The following SLFN12L variants were observed in gnomAD, a reference collection of about 807,000 sequenced individuals.
SLFN12L encodes the protein schlafen family member 12-like.
A neutral mutation model predicts 34.8 loss-of-function variants in SLFN12L; 34 were observed. The ratio of observed to expected loss-of-function variants is 0.98; its 90% confidence interval spans 0.74 to 1.30. The LOEUF (loss-of-function observed/expected upper bound fraction) is 1.30. SLFN12L is among the 50% of genes most tolerant of loss of function. SLFN12L has a pLI of 0.00. For synonymous variants in SLFN12L, 259 were observed against 247.5 expected (o/e 1.05, Z -0.44); for missense variants, 703 against 696.2 (o/e 1.01, Z -0.11).
rs538337365 is a variant in SLFN12L at position 35,493,235 on chromosome 17, C to T, written c.87-13040G>A. Among the ~76,000 whole-genome samples the T allele has an allele frequency of 2.6e-5, 4 of 152,302 alleles. No homozygotes were observed. The South Asian group carries it at 8.3e-4, about 32-fold the overall frequency. On this transcript the variant is annotated intron_variant, in intron 2 of 4. Coordinates refer to ENST00000628453, the MANE Select transcript of SLFN12L (RefSeq NM_001363830.2). ...AATGTCAGTGTGGTCCTAGAGGAAG[C>T]ATTGGGGTGGGGGAGGGAGAGGGAG...
chr17:35,479,828 A>G lies in SLFN12L; in HGVS notation c.454T>C (p.Trp152Arg), dbSNP rs1399575404. The G allele has an allele frequency of 6.2e-7, 1 of 1,608,688 alleles. No individual in the cohort carries two copies. Among genetic ancestry groups the G allele is most frequent in the Non-Finnish European group, 8.5e-7 (1 of 1,176,964 alleles). ...TGCGGACCAGAGGTTTCCAAGCTCC[A>G]TGATTTCACAAAAATGTGAAAGTAG... ...GNYFHIFVKS[W>R]SLETSGPQIA... Residue 152 changes from tryptophan (W) to arginine (R), a missense_variant, in exon 3 of 5, where the codon TGG becomes CGG. Coordinates refer to ENST00000628453, the MANE Select transcript of SLFN12L (RefSeq NM_001363830.2).
At chr17:35,495,577 T>C (rs972683551) in intron 2 of SLFN12L, among the ~76,000 whole-genome samples, 15 of 152,174 alleles carry the variant, frequency 9.9e-5, no homozygotes, top group Middle Eastern at 3.4e-3. Context: ...GACCTGAGAC[T>C]CCTGCTGCAG....
intron 2 of SLFN12L, among the ~76,000 whole-genome samples, chr17:35,491,980 A>G (rs148492882): frequency 1.4e-4 from 21 of 152,198 alleles, no homozygotes; most frequent in Non-Finnish European, 2.4e-4. Context: ...CCTGTCCCCA[A>G]TGTGTTTGTG....
chr17:35,479,358 A>G lies in SLFN12L; in HGVS notation c.924T>C (p.Asn308=), dbSNP rs937447736. The change falls in exon 3 of 5, where the codon AAT becomes AAC. Residue 308 remains asparagine, a synonymous_variant. Transcript: ENST00000628453. ...YLTKLEEVTK[N]SIGKLPVHHF... is the part of the protein sequence containing the mutation. ...GATGCACAGGCAGTTTCCCAATGGA[A>G]TTTTTTGTTACTTCTTCTAACTTAG... 7 of 1,594,750 alleles carry G rather than the reference A, an allele frequency of 4.4e-6. No individual in the cohort carries two copies. Among genetic ancestry groups the G allele is most frequent in the Non-Finnish European group, 6.0e-6 (7 of 1,169,100 alleles).
chr17:35,482,641 A>C (rs146137697), intron 2 of SLFN12L, among the ~76,000 whole-genome samples: 4 of 152,274 alleles, frequency 2.6e-5, no homozygotes, highest in Non-Finnish European at 5.9e-5. Flanking sequence ...GCAGGCTCAG[A>C]AGTGCCTGCT....
intron 4 of SLFN12L, among the ~76,000 whole-genome samples, chr17:35,476,157 G>A (rs895222575): frequency 5.3e-5 from 8 of 152,034 alleles, no homozygotes; most frequent in Non-Finnish European, 8.8e-5. Context: ...AAAGAAAACA[G>A]AGGTCAGACT....
At chr17:35,488,167 C>A (rs1239473377) in intron 2 of SLFN12L, among the ~76,000 whole-genome samples, 1 of 152,168 alleles carries the variant, frequency 6.6e-6, no homozygotes, top group Non-Finnish European at 1.5e-5. Context: ...CGAGATCGTG[C>A]CACTACGCTC....
In SLFN12L at chr17:35,466,883, G is replaced by T. The variant is rs1224118700; in HGVS notation, c.*8040C>A. On this transcript the variant is annotated 3_prime_UTR_variant, in exon 5 of 5. Transcript: ENST00000628453. ...CCACAAATGACTAGCTCCATACTGG[G>T]CTCTCCTGGACATAGAGGCTTTCAC... is the stretch of plus-strand genomic sequence containing the variant. 1.3e-5 allele frequency among the ~76,000 whole-genome samples: 2 copies of T among 152,150 alleles called. No homozygotes were observed. Among genetic ancestry groups the T allele is most frequent in the Non-Finnish European group, 2.9e-5 (2 of 68,034 alleles).
intron 1 of SLFN12L, among the ~76,000 whole-genome samples, chr17:35,531,686 G>A (rs1288450859): frequency 2.6e-5 from 4 of 151,958 alleles, no homozygotes; most frequent in Admixed American, 2.0e-4. Context: ...GCGCGATCTC[G>A]GTTCACTGCA....
intron 2 of SLFN12L, among the ~76,000 whole-genome samples, chr17:35,481,704 C>T (rs1187722230): frequency 6.6e-6 from 1 of 152,174 alleles, no homozygotes; most frequent in African/African-American, 2.4e-5. Context: ...AGTGGCCCCC[C>T]AGCCCAGCTG....
chr17:35,490,708 G>T, intron 2 of SLFN12L: 1 of 1,314,818 alleles, frequency 7.6e-7, no homozygotes, highest in Non-Finnish European at 1.1e-6. Flanking sequence ...TCAAAGGTTA[G>T]CTTACGTTAC....
rs1212528796 is a variant in SLFN12L, at chr17:35,530,345, G to GA, written c.-606+7227dup. Among the ~76,000 whole-genome samples, 80 of 123,516 alleles carry GA rather than the reference G, an allele frequency of 6.5e-4. 1 individual carries two copies. The highest frequency in any genetic ancestry group is 2.3e-3 in the African/African-American group (74 of 32,546). The allele number at this position is 123,516 out of a possible 152,430, so 81.0% of individuals were successfully genotyped here. ...CTGGTGACAGAGTGAGACTCTGTCAGAAAAAAAAAGAGAAAGAAAGGAAGG... is the reference window on the plus strand; with the variant it reads ...CTGGTGACAGAGTGAGACTCTGTCAGAAAAAAAAAAGAGAAAGAAAGGAAGG... On this transcript the variant is annotated intron_variant, in intron 1 of 4. Coordinates refer to ENST00000628453, the MANE Select transcript of SLFN12L (RefSeq NM_001363830.2).
intron 2 of SLFN12L, among the ~76,000 whole-genome samples, chr17:35,516,681 T>A (rs1326681095): frequency 6.6e-6 from 1 of 152,236 alleles, no homozygotes; most frequent in African/African-American, 2.4e-5. Context: ...TGAGAGCCAC[T>A]GGTCTAGTCT....
intron 2 of SLFN12L, chr17:35,498,164 C>T: frequency 1.5e-6 from 1 of 654,122 alleles, no homozygotes; most frequent in South Asian, 1.7e-5. Flanking sequence ...GGAAGCATCT[C>T]GATCCGGGAG....
Position 35,466,454 on chromosome 17 carries a change from A to G in SLFN12L, c.*8469T>C, listed in dbSNP as rs1464686389. Among the ~76,000 whole-genome samples, 1 of 152,222 alleles carries G rather than the reference A, an allele frequency of 6.6e-6. No homozygotes were observed. Among genetic ancestry groups the G allele is most frequent in the East Asian group, 1.9e-4 (1 of 5,202 alleles). On this transcript the variant is annotated 3_prime_UTR_variant, in exon 5 of 5. Coordinates refer to ENST00000628453, the MANE Select transcript of SLFN12L (RefSeq NM_001363830.2). ...CTTTTTAAAGAGACAGGGACAGACA[A>G]GATCTTAAGTGCATGCACCTTCCTC...
chr17:35,488,382 CAG>C (rs2142138034), intron 2 of SLFN12L, among the ~76,000 whole-genome samples: 1 of 152,326 alleles, frequency 6.6e-6, no homozygotes, highest in East Asian at 1.9e-4. Context: ...GGGTTGCTCT[CAG>C]AGAGACAGAG....
intron 2 of SLFN12L, among the ~76,000 whole-genome samples, chr17:35,503,650 A>T (rs1915374097): frequency 6.6e-6 from 1 of 152,214 alleles, no homozygotes. Flanking sequence ...CGATGTCCCC[A>T]CATTTAAAAC....
intron 1 of SLFN12L, among the ~76,000 whole-genome samples, chr17:35,525,150 G>A (rs1389407720): frequency 6.6e-6 from 1 of 151,872 alleles, no homozygotes. Flanking sequence ...AAGAAGACAA[G>A]AATAGAGAAA....
rs954285574 is a variant in SLFN12L, at chr17:35,472,142, A to G, written c.*2781T>C. ...TGTCATGAAGTCTTTGCCCATGCCT[A>G]TGTCCTGAATGGTATTGCCTAGGTT... On this transcript the variant is annotated 3_prime_UTR_variant, in exon 5 of 5. Transcript: ENST00000628453. Among the ~76,000 whole-genome samples the G allele has an allele frequency of 1.1e-4, 16 of 152,174 alleles. No homozygotes were observed. Among genetic ancestry groups the G allele is most frequent in the Admixed American group, 1.0e-3 (16 of 15,286 alleles).
Sources: allele counts gnomAD v4.1 joint callset (sites outside exome capture counted in the v4.1 genomes callset), GRCh38; gene constraint gnomAD v4.1.1; transcripts MANE v1.5; gene names NCBI Gene and HGNC (gene_info 2026-07-23, HGNC 2026-07-21).